NLGN4X: variants seen among roughly 807,000 people sequenced by gnomAD.
NLGN4X encodes the protein neuroligin-4, X-linked.
NLGN4X carries 3 observed loss-of-function variants against 40.3 expected under a neutral mutation model. The observed-to-expected ratio is 0.07, with a 90% CI of 0.03 to 0.19. The LOEUF (loss-of-function observed/expected upper bound fraction) is 0.19. Ranked by LOEUF, NLGN4X falls within the 10% of genes least tolerant of loss-of-function variation. The pLI is 1.00. For synonymous variants in NLGN4X, 270 were observed against 306.8 expected (o/e 0.88, Z 1.25); for missense variants, 382 against 708.3 (o/e 0.54, Z 5.23).
intron 3 of NLGN4X, among the ~76,000 whole-genome samples, chrX:5,973,562 C>T (rs186606398): frequency 1.6e-3 from 174 of 111,597 alleles, no homozygotes; most frequent in Non-Finnish European, 2.9e-3. Flanking sequence ...AGGGCTCATG[C>T]CTGTAATCCC....
At chrX:6,107,730 GTTGA>G (rs762758485) in intron 2 of NLGN4X, among the ~76,000 whole-genome samples, 1 of 111,403 alleles carries the variant, frequency 9.0e-6, no homozygotes, top group Non-Finnish European at 1.9e-5. Flanking sequence ...AGTCCCCAGT[GTTGA>G]TTGTTTCCAT....
chrX:6,159,997 C>T (rs1213230213), intron 1 of NLGN4X, among the ~76,000 whole-genome samples: 2 of 110,098 alleles, frequency 1.8e-5, no homozygotes, highest in African/African-American at 3.3e-5. Context: ...CTACCAGAGG[C>T]TGGGAAGGGT....
At chrX:6,185,416 G>C (rs1176187316) in intron 1 of NLGN4X, among the ~76,000 whole-genome samples, 1 of 112,266 alleles carries the variant, frequency 8.9e-6, no homozygotes, top group Non-Finnish European at 1.9e-5. Flanking sequence ...TTAATCATCT[G>C]TGTCTAAAAT....
chrX:6,131,993 GCCTCCATT>G (rs1371640318), intron 2 of NLGN4X, among the ~76,000 whole-genome samples: 1 of 111,595 alleles, frequency 9.0e-6, no homozygotes, highest in Non-Finnish European at 1.9e-5. Flanking sequence ...GGCATCCCTT[GCCTCCATT>G]CCCAGTAACA....
chrX:6,131,282 C>T (rs767053052), intron 2 of NLGN4X, among the ~76,000 whole-genome samples: 2 of 111,776 alleles, frequency 1.8e-5, no homozygotes, highest in South Asian at 3.7e-4. Flanking sequence ...TTTAAATGTT[C>T]CATGTCTTGA....
intron 2 of NLGN4X, among the ~76,000 whole-genome samples, chrX:6,150,730 C>A (rs757747706): frequency 1.2e-3 from 131 of 111,586 alleles, no homozygotes; most frequent in Non-Finnish European, 2.2e-3. Flanking sequence ...TGCAAATAAG[C>A]ATTATAAAAA....
intron 2 of NLGN4X, among the ~76,000 whole-genome samples, chrX:6,040,319 A>T (rs920052770): frequency 7.5e-4 from 84 of 111,562 alleles, no homozygotes; most frequent in African/African-American, 2.7e-3. Flanking sequence ...AGGTATACAG[A>T]TATTAAATAA....
chrX:6,179,477 T>G (rs1415389133), intron 1 of NLGN4X, among the ~76,000 whole-genome samples: 3 of 111,973 alleles, frequency 2.7e-5, no homozygotes, highest in African/African-American at 9.7e-5. Flanking sequence ...GAGTAAGTCA[T>G]TTTTTAAAAT....
rs141865812 is a variant in NLGN4X, at chrX:6,034,017, T to C, written c.473-4585A>G. The stretch of plus-strand genomic sequence containing the variant: ...CTTGTGAATGGAAAACACTCCTCTG[T>C]TCTACATAACTCAGAAGAGCTTAAA... On this transcript the variant is annotated intron_variant, in intron 2 of 5. Transcript: ENST00000381095. Among the ~76,000 whole-genome samples, 548 of 112,504 alleles carry C rather than the reference T, an allele frequency of 4.9e-3. 5 individuals are homozygous for C. The highest frequency in any genetic ancestry group is 0.017 in the African/African-American group (527 of 31,000).
chrX:6,165,651 C>G (rs1446433850), intron 1 of NLGN4X, among the ~76,000 whole-genome samples: 1 of 111,272 alleles, frequency 9.0e-6, no homozygotes, highest in African/African-American at 3.3e-5. Context: ...ATGCTGCAAA[C>G]TAGTGACTCT....
chrX:5,999,670 T>C (rs1053091439), intron 3 of NLGN4X, among the ~76,000 whole-genome samples: 1 of 112,422 alleles, frequency 8.9e-6, no homozygotes, highest in African/African-American at 3.2e-5. Context: ...TATTTTTCTT[T>C]TGCATGTCAT....
intron 2 of NLGN4X, among the ~76,000 whole-genome samples, chrX:6,128,700 A>C (rs1434760382): frequency 8.9e-6 from 1 of 112,244 alleles, no homozygotes; most frequent in Non-Finnish European, 1.9e-5. Flanking sequence ...GTGGGTTGAA[A>C]AACTACCTGT....
chrX:6,169,663 AG>A (rs1213231818), intron 1 of NLGN4X, among the ~76,000 whole-genome samples: 1 of 112,573 alleles, frequency 8.9e-6, no homozygotes. Flanking sequence ...ATGCAAACTG[AG>A]GAAATTATAT....
intron 2 of NLGN4X, among the ~76,000 whole-genome samples, chrX:6,066,787 AAAAC>A (rs1462126622): frequency 8.2e-5 from 9 of 109,116 alleles, no homozygotes; most frequent in Admixed American, 9.7e-5. Flanking sequence ...TCTGTCTCAA[AAAAC>A]AAACAAACAA....
At chrX:6,014,355 A>G (rs779562728) in intron 3 of NLGN4X, among the ~76,000 whole-genome samples, 2 of 112,063 alleles carry the variant, frequency 1.8e-5, no homozygotes, top group South Asian at 7.4e-4. Flanking sequence ...AGACAAACAG[A>G]CAAACCAAGG....
intron 1 of NLGN4X, among the ~76,000 whole-genome samples, chrX:6,175,655 GAA>G (rs3045369): frequency 4.9e-5 from 3 of 60,990 alleles, no homozygotes; most frequent in East Asian, 6.1e-4. Context: ...ATCTATTACA[GAA>G]AAAAAAAAAA....
chrX:6,075,747 C>T (rs774781862), intron 2 of NLGN4X, among the ~76,000 whole-genome samples: 2 of 111,498 alleles, frequency 1.8e-5, no homozygotes, highest in East Asian at 2.8e-4. Context: ...TCTTTGCATA[C>T]ACCAGCTCTT....
At chrX:6,124,764 A>T (rs913156582) in intron 2 of NLGN4X, among the ~76,000 whole-genome samples, 1 of 111,867 alleles carries the variant, frequency 8.9e-6, no homozygotes, top group East Asian at 2.8e-4. Context: ...ATGGAAACCT[A>T]TGCTCCTCAA....
chrX:6,057,846 C>T (rs188670306), intron 2 of NLGN4X, among the ~76,000 whole-genome samples: 8 of 111,504 alleles, frequency 7.2e-5, no homozygotes, highest in Non-Finnish European at 1.3e-4. Context: ...AAGTCAACAA[C>T]AATGAAAATA....
Sources: allele counts gnomAD v4.1 joint callset (sites outside exome capture counted in the v4.1 genomes callset), GRCh38; gene constraint gnomAD v4.1.1; transcripts MANE v1.5; gene names NCBI Gene and HGNC (gene_info 2026-07-23, HGNC 2026-07-21).